The following RALGDS variants were observed in gnomAD, a reference collection of about 807,000 sequenced individuals.
RALGDS encodes ral guanine nucleotide dissociation stimulator, also known as ral guanine nucleotide exchange factor.
A neutral mutation model predicts 99.8 loss-of-function variants in RALGDS; 44 were observed. The ratio of observed to expected loss-of-function variants is 0.44; its 90% CI spans 0.35 to 0.57. The LOEUF (loss-of-function observed/expected upper bound fraction) is 0.57, where lower values mean the gene tolerates loss of function less well. RALGDS is among the 20% of genes least tolerant of loss of function. RALGDS has a pLI of 0.01. For missense variants in RALGDS, 1,022 were observed against 1,203.1 expected (o/e 0.85, Z 2.23); for synonymous variants, 529 against 505.0 (o/e 1.05, Z -0.64).
At chr9:133,117,483 C>T (rs528943671) in intron 1 of RALGDS, among the ~76,000 whole-genome samples, 410 of 152,390 alleles carry the variant, frequency 2.7e-3, no homozygotes, top group Non-Finnish European at 5.3e-3. Flanking sequence ...AACCCTCCAA[C>T]GCAGGTGTCC....
chr9:133,117,869 G>C (rs1338325599), intron 1 of RALGDS, among the ~76,000 whole-genome samples: 1 of 152,228 alleles, frequency 6.6e-6, no homozygotes, highest in East Asian at 1.9e-4. Context: ...GAGCCTGCCT[G>C]CAGAGGGCCA....
Position 133,108,855 on chromosome 9 carries a change from G to A in RALGDS, c.596C>T (p.Ser199Phe), listed in dbSNP as rs768067836. The A allele has an allele frequency of 1.1e-5, 18 of 1,612,384 alleles. No homozygotes were observed. Among genetic ancestry groups the A allele is most frequent in the Non-Finnish European group, 1.5e-5 (18 of 1,179,564 alleles). The change falls in exon 5 of 18, where the codon TCC (serine) becomes TTC (phenylalanine). Residue 199 changes from serine (S) to phenylalanine (F), a missense_variant. Physicochemically the swap from Ser to Phe is radical, Grantham distance 155. Transcript: ENST00000372050. ...PQDQLKNAIS[S>F]ILGTWLDQYS... ...CTGGTCCAGCCAGGTGCCCAGGATG[G>A]AGGAGATGGCACTGGGGACAGGTGG...
chr9:133,098,968 T>G lies in RALGDS; in HGVS notation c.2570-206A>C, dbSNP rs73558423. On this transcript the variant is annotated intron_variant, in intron 17 of 17. Coordinates refer to ENST00000372050, the MANE Select transcript of RALGDS (RefSeq NM_006266.4). ...AGGTCCTCACAAAACCTGATGACTC[T>G]TGTTTAAACAGGGACTGACTCCAGA... 3.1e-3 allele frequency: 1,805 copies of G among 584,648 alleles called. 27 individuals carry two copies. Among genetic ancestry groups the G allele is most frequent in the African/African-American group, 0.027 (1,450 of 53,736 alleles). 36.2% of individuals were successfully genotyped at this position (584,648 alleles called of 1,614,324 possible).
intron 1 of RALGDS, among the ~76,000 whole-genome samples, chr9:133,113,749 G>C (rs556141261): frequency 6.6e-6 from 1 of 152,204 alleles, no homozygotes; most frequent in Non-Finnish European, 1.5e-5. Flanking sequence ...GTCCCAGACT[G>C]CCTCCTGTGA....
At chr9:133,143,889 C>G (rs1238825730) in intron 1 of RALGDS, among the ~76,000 whole-genome samples, 1 of 151,292 alleles carries the variant, frequency 6.6e-6, no homozygotes, top group Admixed American at 6.6e-5. Context: ...CGCTCCCTTT[C>G]GCTGATGCCA....
At chr9:133,133,318 G>A (rs546905646), upstream of RALGDS, among the ~76,000 whole-genome samples, 35 of 152,338 alleles carry the variant, frequency 2.3e-4, no homozygotes, top group African/African-American at 8.2e-4. Flanking sequence ...GCTGCAGGAG[G>A]AGCAGCACCA....
At chr9:133,113,867 C>T (rs1831467889) in intron 1 of RALGDS, among the ~76,000 whole-genome samples, 1 of 152,210 alleles carries the variant, frequency 6.6e-6, no homozygotes, top group South Asian at 2.1e-4. Context: ...CCGGCAGTGG[C>T]TCTGAGATCT....
chr9:133,102,689 G>A (rs954290835), intron 13 of RALGDS, 90 bp downstream of exon 13: 82 of 1,602,990 alleles, frequency 5.1e-5, no homozygotes, highest in Non-Finnish European at 6.7e-5. Flanking sequence ...AGGGGCTGAG[G>A]CTGACCATGG....
chr9:133,125,887 G>A (rs1171209638), upstream of RALGDS, among the ~76,000 whole-genome samples: 1 of 152,148 alleles, frequency 6.6e-6, no homozygotes, highest in East Asian at 1.9e-4. Flanking sequence ...GTGGGCACAG[G>A]GGTCACTGAT....
chr9:133,104,905 C>T (rs1322605812), intron 9 of RALGDS, among the ~76,000 whole-genome samples: 2 of 152,178 alleles, frequency 1.3e-5, no homozygotes, highest in Admixed American at 6.5e-5. Context: ...TCCCTTGAAC[C>T]TTCCATAAGG....
rs774308063 is a variant in RALGDS, at chr9:133,103,832, C to A, written c.1673G>T (p.Gly558Val). ...GTAGGGAACGGTGCCCTGGATGATG[C>A]CCTGTGACATTGGGGTAGGAGGATG... ...KRAQKRPKET[G>V]IIQGTVPYLG... is the part of the protein sequence containing the mutation. Residue 558 changes from glycine (G) to valine (V), a missense_variant and splice_region_variant, in exon 11 of 18, where the codon GGC becomes GTC. Physicochemically the swap from Gly to Val is moderately radical, Grantham distance 109 (BLOSUM62 -3). Coordinates refer to ENST00000372050, the MANE Select transcript of RALGDS (RefSeq NM_006266.4). 2 of 1,612,908 alleles carry A rather than the reference C, an allele frequency of 1.2e-6. No homozygotes were observed. The highest frequency in any genetic ancestry group is 2.2e-5 in the South Asian group (2 of 91,074).
chr9:133,118,551 CA>C (rs1413817437), intron 1 of RALGDS, among the ~76,000 whole-genome samples: 1 of 149,820 alleles, frequency 6.7e-6, no homozygotes, highest in Non-Finnish European at 1.5e-5. Context: ...GGAGATGATG[CA>C]AATTACTTAG....
chr9:133,131,188 G>A (rs1045206296), upstream of RALGDS: 30 of 1,349,612 alleles, frequency 2.2e-5, no homozygotes, highest in Middle Eastern at 5.6e-4. Context: ...GGCTTTGTGG[G>A]CCTTAGGGGA....
At chr9:133,145,176 AC>A (rs1330638044) in intron 1 of RALGDS, among the ~76,000 whole-genome samples, 2 of 152,102 alleles carry the variant, frequency 1.3e-5, no homozygotes, top group African/African-American at 4.8e-5. Flanking sequence ...GTGTTGAGCC[AC>A]CCAGCACTTT....
intron 1 of RALGDS, among the ~76,000 whole-genome samples, chr9:133,140,410 G>A (rs1286213426): frequency 6.6e-6 from 1 of 152,120 alleles, no homozygotes; most frequent in Non-Finnish European, 1.5e-5. Context: ...CACTGGACAA[G>A]CCCACCCCTC....
intron 6 of RALGDS, 122 bp from the exon 7 acceptor site, chr9:133,107,422 G>C (rs1198162793): frequency 2.2e-6 from 2 of 912,094 alleles, no homozygotes; most frequent in Non-Finnish European, 3.5e-6. Flanking sequence ...TCCATGCAGG[G>C]TGCCCAGCAC....
intron 1 of RALGDS, among the ~76,000 whole-genome samples, chr9:133,127,148 A>AG (rs1832187643): frequency 6.6e-6 from 1 of 152,234 alleles, no homozygotes; most frequent in Non-Finnish European, 1.5e-5. Flanking sequence ...CCTGAGAGGC[A>AG]GATCATAAAA....
In RALGDS at chr9:133,112,045, G is replaced by A. The variant is rs139361973; in HGVS notation, c.291C>T (p.Leu97=). Residue 97 remains leucine, a synonymous_variant, in exon 2 of 18, where the codon CTC becomes CTT. Coordinates refer to ENST00000372050, the MANE Select transcript of RALGDS (RefSeq NM_006266.4). ...TGGAGACCCCGAGCGCACTCACCCCGAGCCAGCGCTGCCCCTTGTTGCCTC... is the reference window on the plus strand; with the variant it reads ...TGGAGACCCCGAGCGCACTCACCCCAAGCCAGCGCTGCCCCTTGTTGCCTC... ...HHGGNKGQRW[L]GYENESALNL... The A allele has an allele frequency of 3.4e-5, 54 of 1,572,402 alleles. No individual in the cohort carries two copies. In the African/African-American group the frequency reaches 6.0e-4, roughly 17 times the overall value.
At chr9:133,106,831 C>A in intron 7 of RALGDS, 83 bp from the exon 8 acceptor site, 1 of 1,127,250 alleles carries the variant, frequency 8.9e-7, no homozygotes, top group Non-Finnish European at 1.3e-6. Context: ...CCAAGCCTCC[C>A]CTCCTAATGA....
Sources: allele counts gnomAD v4.1 joint callset (sites outside exome capture counted in the v4.1 genomes callset), GRCh38; gene constraint gnomAD v4.1.1; transcripts MANE v1.5; gene names NCBI Gene and HGNC (gene_info 2026-07-23, HGNC 2026-07-21).